The following FBN2 variants were observed in gnomAD, a reference collection of about 807,000 sequenced individuals.
FBN2 encodes fibrillin 2.
In FBN2, 105 loss-of-function variants were observed where a neutral mutation model predicts 355.6. That is an observed-to-expected ratio of 0.30 (90% CI 0.25 to 0.35). The LOEUF (loss-of-function observed/expected upper bound fraction) is 0.35. Ranked by LOEUF, FBN2 falls within the 10% of genes least tolerant of loss-of-function variation. The pLI, the probability that FBN2 is intolerant of heterozygous loss-of-function variation, is 1.00. For missense variants in FBN2, 3,280 were observed against 3,758.7 expected (o/e 0.87, Z 3.33); for synonymous variants, 1,350 against 1,301.2 (o/e 1.04, Z -0.81).
intron 7 of FBN2, among the ~76,000 whole-genome samples, chr5:128,444,026 A>T (rs1374402016): frequency 1.4e-5 from 2 of 139,282 alleles, no homozygotes; most frequent in Non-Finnish European, 3.1e-5. Flanking sequence ...TACATTAAAT[A>T]GTTTTATATA....
chr5:128,478,951 C>T (rs1561476538), intron 5 of FBN2, among the ~76,000 whole-genome samples: 1 of 152,290 alleles, frequency 6.6e-6, no homozygotes, highest in African/African-American at 2.4e-5. Context: ...TGGGATGCAA[C>T]ACACTTTGGC....
At chr5:128,438,708 T>C (rs1400548148) in intron 7 of FBN2, among the ~76,000 whole-genome samples, 1 of 152,134 alleles carries the variant, frequency 6.6e-6, no homozygotes. Context: ...GAGACAAGAG[T>C]TCTGGACGGA....
At chr5:128,283,780 T>A (rs190009797) in intron 55 of FBN2, among the ~76,000 whole-genome samples, 13 of 152,342 alleles carry the variant, frequency 8.5e-5, no homozygotes, top group Non-Finnish European at 4.4e-5. Flanking sequence ...CTTTTATTCT[T>A]CTGTGTCCCC....
At chr5:128,455,912 C>CG (rs1205822662) in intron 6 of FBN2, among the ~76,000 whole-genome samples, 3 of 135,920 alleles carry the variant, frequency 2.2e-5, no homozygotes, top group Admixed American at 8.5e-5. Flanking sequence ...TGGAGCCCCC[C>CG]GGGGGTTGTG....
intron 10 of FBN2, 103 bp from the exon 11 acceptor site, chr5:128,392,258 A>T: frequency 1.1e-6 from 1 of 929,808 alleles, no homozygotes; most frequent in Non-Finnish European, 1.7e-6. Context: ...TTAGATGTAT[A>T]TCAGAAGCTC....
Position 128,305,496 on chromosome 5 carries a change from C to G in FBN2, c.5674+15G>C. 6.2e-7 allele frequency: 1 copy of G among 1,613,904 alleles called. No homozygotes were observed. The highest frequency in any genetic ancestry group is 1.1e-5 in the South Asian group (1 of 91,050). On this transcript the variant is annotated intron_variant, in intron 44 of 64. Coordinates refer to ENST00000262464, the MANE Select transcript of FBN2 (RefSeq NM_001999.4). Reference sequence around the variant, plus strand: ...TTGTGCTCAGTGCCAAAGAATGAGTCAGCCTCTTTCTTACCTACACAGGCC... The same window carrying G: ...TTGTGCTCAGTGCCAAAGAATGAGTGAGCCTCTTTCTTACCTACACAGGCC...
In FBN2 at chr5:128,335,303, T is replaced by A; in HGVS notation, c.3848-8A>T. 6.2e-7 allele frequency: 1 copy of A among 1,614,114 alleles called. No individual in the cohort carries two copies. Among genetic ancestry groups the A allele is most frequent in the Non-Finnish European group, 8.5e-7 (1 of 1,179,924 alleles). On this transcript the variant is annotated splice_polypyrimidine_tract_variant and splice_region_variant and intron_variant, in intron 29 of 64. Coordinates refer to ENST00000262464, the MANE Select transcript of FBN2 (RefSeq NM_001999.4). ...TTTCACATTCATCAATGTCTGATGA[T>A]ACAAAATTAGCATCAAATGAAAATA...
intron 7 of FBN2, among the ~76,000 whole-genome samples, chr5:128,424,235 T>C (rs1451436428): frequency 6.6e-6 from 1 of 152,114 alleles, no homozygotes; most frequent in African/African-American, 2.4e-5. Context: ...TCCGCAGGGA[T>C]GTTTCAGTAA....
chr5:128,417,014 C>T (rs1753219082), intron 7 of FBN2, among the ~76,000 whole-genome samples: 2 of 151,952 alleles, frequency 1.3e-5, no homozygotes, highest in African/African-American at 4.8e-5. Context: ...GTTTGTGTCC[C>T]CTTCAATTTC....
chr5:128,470,054 A>T (rs780110690), intron 5 of FBN2, among the ~76,000 whole-genome samples: 8 of 152,206 alleles, frequency 5.3e-5, no homozygotes, highest in Admixed American at 1.3e-4. Flanking sequence ...AAGAGAAACG[A>T]GTCTAGGATA....
intron 6 of FBN2, among the ~76,000 whole-genome samples, chr5:128,461,615 G>A (rs1754559580): frequency 6.6e-6 from 1 of 152,118 alleles, no homozygotes. Context: ...GGCCATCAAT[G>A]ATAAGACTGG....
At chr5:128,322,689 C>T (rs959844035) in intron 34 of FBN2, among the ~76,000 whole-genome samples, 1 of 152,104 alleles carries the variant, frequency 6.6e-6, no homozygotes, top group African/African-American at 2.4e-5. Context: ...TTACTGTGGC[C>T]TTGTAGGATA....
intron 7 of FBN2, among the ~76,000 whole-genome samples, chr5:128,422,461 G>C (rs141848722): frequency 6.6e-6 from 1 of 152,290 alleles, no homozygotes; most frequent in Admixed American, 6.5e-5. Flanking sequence ...AGTGACTAAA[G>C]AGTTGAAAGA....
intron 41 of FBN2, among the ~76,000 whole-genome samples, chr5:128,307,465 G>C (rs887757292): frequency 6.6e-6 from 1 of 151,704 alleles, no homozygotes; most frequent in Non-Finnish European, 1.5e-5. Flanking sequence ...ATCATTATAA[G>C]ATTCAAAATG....
intron 23 of FBN2, 106 bp from the exon 24 acceptor site, chr5:128,345,690 G>A: frequency 1.0e-6 from 1 of 1,000,426 alleles, no homozygotes. Flanking sequence ...GACCCTTGCG[G>A]TGTACTGGTG....
chr5:128,263,203 T>C (rs1765020601), intron 63 of FBN2, among the ~76,000 whole-genome samples: 1 of 152,220 alleles, frequency 6.6e-6, no homozygotes, highest in Non-Finnish European at 1.5e-5. Flanking sequence ...GATATTTACA[T>C]ACAAGTTCAA....
intron 4 of FBN2, among the ~76,000 whole-genome samples, chr5:128,523,233 TAAC>T (rs1446136689): frequency 6.6e-6 from 1 of 152,150 alleles, no homozygotes; most frequent in Non-Finnish European, 1.5e-5. Flanking sequence ...GTTAAAATGT[TAAC>T]AAGAGGAAAG....
chr5:128,506,930 A>C (rs753164988), intron 5 of FBN2, among the ~76,000 whole-genome samples: 33 of 152,094 alleles, frequency 2.2e-4, no homozygotes, highest in Admixed American at 2.0e-4. Context: ...CATAGGATAA[A>C]TCTCAATTGG....
chr5:128,349,668 T>G (rs991005502), intron 22 of FBN2, among the ~76,000 whole-genome samples, 196 bp from the exon 23 acceptor site: 5 of 152,244 alleles, frequency 3.3e-5, no homozygotes, highest in African/African-American at 4.8e-5. Flanking sequence ...CAGCCTTGCC[T>G]GTCCATAAAA....
Sources: allele counts gnomAD v4.1 joint callset (sites outside exome capture counted in the v4.1 genomes callset), GRCh38; gene constraint gnomAD v4.1.1; transcripts MANE v1.5; gene names NCBI Gene and HGNC (gene_info 2026-07-23, HGNC 2026-07-21).